The following GTSE1 variants were observed in gnomAD, a reference collection of about 807,000 sequenced individuals.
The protein encoded by GTSE1 is G2 and S phase-expressed protein 1.
Under a neutral mutation model 60.5 loss-of-function variants are expected in GTSE1, and 52 were observed. That is an observed-to-expected ratio of 0.86 (90% CI 0.69 to 1.08). The LOEUF (loss-of-function observed/expected upper bound fraction) is 1.08, where lower values mean the gene tolerates loss of function less well. Ranked by LOEUF, GTSE1 falls within the 50% of genes least tolerant of loss-of-function variation. The pLI is 0.00. For synonymous variants in GTSE1, 368 were observed against 386.5 expected, an observed-to-expected ratio of 0.95 and a Z score of 0.56; for missense variants, 937 against 961.8, an observed-to-expected ratio of 0.97 and a Z score of 0.34.
rs937656830 is a variant in GTSE1, at chr22:46,308,487, C to G, written c.306C>G (p.Tyr102Ter). ...CCGGGGAGAAGTTCGTGGAGGTGTACAAAGAAGCTCACTTACTGGCTTTAC... is the reference window on the plus strand; with the variant it reads ...CCGGGGAGAAGTTCGTGGAGGTGTAGAAAGAAGCTCACTTACTGGCTTTAC... Reference protein sequence around the residue: ...PLAGEKFVEVYKEAHLLALHI... With the variant: ...PLAGEKFVEV Residue 102 changes from tyrosine to a stop codon, truncating the protein, a stop_gained, in exon 4 of 12, where the codon TAC (tyrosine) becomes TAG (stop). Transcript: ENST00000454366. LOFTEE classifies it high-confidence loss of function. 3 of 1,614,076 alleles carry G rather than the reference C, an allele frequency of 1.9e-6. No individual in the cohort carries two copies. The highest frequency in any genetic ancestry group is 2.7e-5 in the African/African-American group (2 of 74,928).
At chr22:46,303,367 A>G (rs921610102) in intron 2 of GTSE1, among the ~76,000 whole-genome samples, 5 of 152,242 alleles carry the variant, frequency 3.3e-5, no homozygotes, top group African/African-American at 1.2e-4. Context: ...CTTTGTAGAT[A>G]TGAAAGCTGT....
At chr22:46,327,517 CA>C in intron 9 of GTSE1, among the ~76,000 whole-genome samples, 1 of 152,162 alleles carries the variant, frequency 6.6e-6, no homozygotes, top group Non-Finnish European at 1.5e-5. Context: ...ACTAAAAATA[CA>C]AAAATTAGCT....
In GTSE1 at chr22:46,330,180, A is replaced by C. The variant is rs748182668; in HGVS notation, c.*50A>C. 2 of 1,095,644 alleles carry C rather than the reference A, an allele frequency of 1.8e-6. No homozygotes were observed. The highest frequency in any genetic ancestry group is 4.7e-5 in the East Asian group (2 of 42,546). The allele number at this position is 1,095,644 out of a possible 1,614,324, so 67.9% of individuals were successfully genotyped here. A position where few individuals can be genotyped will look rare whatever the true frequency, so the allele number is the denominator to read the frequency against. ...AAGAACAGCCCTAAAGTGGTTTTCA[A>C]CCCTCAGAAACAAGCTTTAGGCTGG... On this transcript the variant is annotated 3_prime_UTR_variant, in exon 12 of 12. Coordinates refer to ENST00000454366, the MANE Select transcript of GTSE1 (RefSeq NM_016426.7). The surrounding 1 kb of genome is among the most constrained non-coding windows in gnomAD (Gnocchi z 6.0).
rs995015628 is a variant in GTSE1 at position 46,321,841 on chromosome 22, G to A, written c.1433-1349G>A. Among the ~76,000 whole-genome samples, 15 of 152,238 alleles carry A rather than the reference G, an allele frequency of 9.9e-5. No individual in the cohort carries two copies. Among genetic ancestry groups the A allele is most frequent in the Admixed American group, 6.5e-4 (10 of 15,292 alleles). On this transcript the variant is annotated intron_variant, in intron 7 of 11. Coordinates refer to ENST00000454366, the MANE Select transcript of GTSE1 (RefSeq NM_016426.7). This position sits in a 1 kb window ranked among gnomAD's most constrained non-coding sequence, Gnocchi z 4.0. ...TGTAATCCCAGCACTTTGGGAGGCC[G>A]AGGCGGGCAATCACTTGAGGTCAGG... is the stretch of plus-strand genomic sequence containing the variant.
At position 46,328,858 on chromosome 22, in the gene GTSE1, C is replaced by G. The variant is rs1375063707; in HGVS notation, c.1895C>G (p.Ala632Gly). ...GCCACAGAAGTAGCTCGGGAGGAAG[C>G]CAAGCCGGGTGGAGATGCAGCCCCT... ...STATEVAREE[A>G]KPGGDAAPSE... The change falls in exon 10 of 12, where the codon GCC becomes GGC. Residue 632 changes from alanine (A) to glycine (G), a missense_variant. Physicochemically the swap from Ala to Gly is moderately conservative, Grantham distance 60. Transcript: ENST00000454366. The G allele has an allele frequency of 1.2e-6, 2 of 1,613,862 alleles. No homozygotes were observed. Among genetic ancestry groups the G allele is most frequent in the East Asian group, 2.2e-5 (1 of 44,878 alleles).
At chr22:46,323,848 C>T (rs13056146) in intron 8 of GTSE1, among the ~76,000 whole-genome samples, 3 of 151,952 alleles carry the variant, frequency 2.0e-5, no homozygotes, top group Admixed American at 6.6e-5. Context: ...CCACCACACC[C>T]GGCTAATTAT....
In GTSE1 at chr22:46,297,520, T is replaced by C; in HGVS notation, c.79+41T>C. On this transcript the variant is annotated intron_variant, in intron 2 of 11. Coordinates refer to ENST00000454366, the MANE Select transcript of GTSE1 (RefSeq NM_016426.7). The surrounding 1 kb of genome is among the most constrained non-coding windows in gnomAD (Gnocchi z 4.9). ...TGCGGCGCTGTTGTTGTTCAGGATG[T>C]TCAGTAGAGATGGAGGGTGATTTAA... 1.5e-6 allele frequency: 2 copies of C among 1,368,656 alleles called. No individual in the cohort carries two copies. Among genetic ancestry groups the C allele is most frequent in the Non-Finnish European group, 2.1e-6 (2 of 960,414 alleles). 84.8% of individuals were successfully genotyped at this position (1,368,656 alleles called of 1,614,324 possible). A position where few individuals can be genotyped will look rare whatever the true frequency, so the allele number is the denominator to read the frequency against.
At chr22:46,298,379 C>G (rs1279852232) in intron 2 of GTSE1, among the ~76,000 whole-genome samples, 1 of 151,838 alleles carries the variant, frequency 6.6e-6, no homozygotes, top group Non-Finnish European at 1.5e-5. Flanking sequence ...ATGATCTTGG[C>G]TCACTGCAAC....
At chr22:46,315,354 G>A (rs1471486085) in intron 6 of GTSE1, among the ~76,000 whole-genome samples, 2 of 152,124 alleles carry the variant, frequency 1.3e-5, no homozygotes, top group Non-Finnish European at 2.9e-5. Flanking sequence ...ACTGCGCCTG[G>A]CCCACATTTT....
chr22:46,308,734 G>A lies in GTSE1; in HGVS notation c.553G>A (p.Ala185Thr), dbSNP rs1170356400. 1 of 1,613,474 alleles carries A rather than the reference G, an allele frequency of 6.2e-7. No homozygotes were observed. The highest frequency in any genetic ancestry group is 1.7e-5 in the Admixed American group (1 of 60,026). The change falls in exon 4 of 12, where the codon GCC (alanine) becomes ACC (threonine). Residue 185 changes from alanine (A) to threonine (T), a missense_variant. Physicochemically the swap from Ala to Thr is moderately conservative, Grantham distance 58 (BLOSUM62 0). Transcript: ENST00000454366. ...CCCTGTGGGTGAGCCTCGGCTCTTG[G>A]CCTCCTCCCCGGCCCTGCCCAGCTC... Reference protein sequence around the residue: ...GPPVGEPRLLASSPALPSSGA... With the variant: ...GPPVGEPRLLTSSPALPSSGA...
chr22:46,302,462 C>G (rs2147812748), intron 2 of GTSE1, among the ~76,000 whole-genome samples: 1 of 152,056 alleles, frequency 6.6e-6, no homozygotes, highest in East Asian at 1.9e-4. Context: ...GCAGCTTTGA[C>G]CTCCCAGGCT....
chr22:46,316,286 G>A lies in GTSE1; in HGVS notation c.1306G>A (p.Ala436Thr), dbSNP rs368072211. Residue 436 changes from alanine to threonine, a missense_variant, in exon 7 of 12, where the codon GCT becomes ACT. Transcript: ENST00000454366. The surrounding 1 kb of genome is among the most constrained non-coding windows in gnomAD (Gnocchi z 5.0). The stretch of plus-strand genomic sequence containing the variant: ...CGGCCAGTGGCTGAACTCCAGTTGC[G>A]CTTGGTCAGAATCTTCTCAATTGAA... ...GGGQWLNSSC[A>T]WSESSQLNKT... 38 of 1,613,858 alleles carry A rather than the reference G, an allele frequency of 2.4e-5. No homozygotes were observed. In the East Asian group the frequency reaches 4.5e-4, roughly 19 times the overall value.
intron 5 of GTSE1, among the ~76,000 whole-genome samples, chr22:46,312,568 G>T (rs2077754866): frequency 6.6e-6 from 1 of 151,512 alleles, no homozygotes; most frequent in East Asian, 1.9e-4. Context: ...GAGCCCAGGA[G>T]GTCGAGGCTG....
At position 46,299,193 on chromosome 22, in the gene GTSE1, T is replaced by C. The variant is rs545106081; in HGVS notation, c.79+1714T>C. On this transcript the variant is annotated intron_variant, in intron 2 of 11. Transcript: ENST00000454366. ...TCCTCCTGCCTCTCTGGCTGGTGTATCTTTTCTCTGTCGGGGGCTCCCCCT... is the reference window on the plus strand; with the variant it reads ...TCCTCCTGCCTCTCTGGCTGGTGTACCTTTTCTCTGTCGGGGGCTCCCCCT... 1.1e-3 allele frequency among the ~76,000 whole-genome samples: 165 copies of C among 152,366 alleles called. 1 individual carries two copies. The highest frequency in any genetic ancestry group is 3.9e-3 in the African/African-American group (161 of 41,588).
Position 46,328,849 on chromosome 22 carries a change from G to A in GTSE1, c.1886G>A (p.Arg629Gln), listed in dbSNP as rs185440156. The A allele has an allele frequency of 1.0e-4, 168 of 1,613,950 alleles. No homozygotes were observed. Among genetic ancestry groups the A allele is most frequent in the Non-Finnish European group, 1.3e-4 (157 of 1,179,996 alleles). ...FSKSTATEVA[R>Q]EEAKPGGDAA... ...AAAAGTACTGCCACAGAAGTAGCTC[G>A]GGAGGAAGCCAAGCCGGGTGGAGAT... Residue 629 changes from arginine to glutamine, a missense_variant, in exon 10 of 12, where the codon CGG becomes CAG. Physicochemically the swap from Arg to Gln is conservative, Grantham distance 43. Coordinates refer to ENST00000454366, the MANE Select transcript of GTSE1 (RefSeq NM_016426.7).
intron 6 of GTSE1, among the ~76,000 whole-genome samples, chr22:46,315,424 G>A (rs2077773255): frequency 1.3e-5 from 2 of 152,144 alleles, no homozygotes; most frequent in Non-Finnish European, 2.9e-5. Flanking sequence ...CGAACTCCTG[G>A]CCTTGAGTGA....
intron 2 of GTSE1, among the ~76,000 whole-genome samples, chr22:46,307,344 G>T (rs1406847246): frequency 6.6e-6 from 1 of 152,186 alleles, no homozygotes; most frequent in Non-Finnish European, 1.5e-5. Context: ...AATTCTAGGG[G>T]AGCTGAGGAA....
intron 2 of GTSE1, among the ~76,000 whole-genome samples, chr22:46,298,092 A>G (rs2077667948): frequency 6.6e-6 from 1 of 151,584 alleles, no homozygotes; most frequent in Non-Finnish European, 1.5e-5. Context: ...CCTCCCTAGT[A>G]ACTGGGATTA....
chr22:46,306,657 T>G (rs56050401), intron 2 of GTSE1, among the ~76,000 whole-genome samples: 5,771 of 152,152 alleles, frequency 0.038, 143 homozygotes, highest in Non-Finnish European at 0.06. Context: ...ATTTTTTTAT[T>G]CTTTATTTTT....
Sources: gnomAD v4.1 joint callset for allele counts (sites outside exome capture counted in the v4.1 genomes callset) on GRCh38, gnomAD v4.1.1 for gene constraint, Gnocchi (gnomAD v3.1) non-coding constraint, MANE v1.5 for transcripts, NCBI Gene and HGNC (gene_info 2026-07-23, HGNC 2026-07-21) for gene names.